Variants in PRDM11 observed in about 807,000 individuals in gnomAD.
The protein encoded by PRDM11 is PR/SET domain 11, also known as PR domain-containing protein 11.
PRDM11 carries 20 observed loss-of-function variants against 97.8 expected under a neutral mutation model. The observed-to-expected ratio is 0.20, with a 90% CI of 0.14 to 0.30. PRDM11 has a LOEUF of 0.30. Among genes scored for constraint, PRDM11 ranks in the 10% least tolerant of loss-of-function variants. The probability of loss-of-function intolerance (pLI) is 1.00; values close to 1 mark genes in which losing one functional copy is unlikely to be tolerated. For missense variants in PRDM11, 1,139 were observed against 1,555.2 expected (o/e 0.73, Z 4.50); for synonymous variants, 599 against 637.7 (o/e 0.94, Z 0.91).
rs140480717 is a variant in PRDM11 at position 45,097,061 on chromosome 11, G to T, written c.96+1160G>T. Among the ~76,000 whole-genome samples, 433 of 152,322 alleles carry T rather than the reference G, an allele frequency of 2.8e-3. 2 individuals carry two copies. Among genetic ancestry groups the T allele is most frequent in the African/African-American group, 9.9e-3 (413 of 41,574 alleles). On this transcript the variant is annotated intron_variant, in intron 1 of 6. Coordinates refer to the PRDM11 transcript ENST00000530656. ...TAAATGGGATGAAGATGAGGCCAGG[G>T]AATTTGGTTTTAAGGTTCAAATCAA...
intron 1 of PRDM11, among the ~76,000 whole-genome samples, chr11:45,117,803 T>C (rs1852336810): frequency 6.6e-6 from 1 of 152,158 alleles, no homozygotes; most frequent in African/African-American, 2.4e-5. Context: ...TCTTTAGGTA[T>C]TGGCTGCAAA....
chr11:45,149,512 T>G (rs986969233), intron 1 of PRDM11, among the ~76,000 whole-genome samples: 2 of 152,212 alleles, frequency 1.3e-5, no homozygotes, highest in Admixed American at 6.5e-5. Flanking sequence ...AGTGCTTTCC[T>G]CTTACTATTT....
intron 1 of PRDM11, among the ~76,000 whole-genome samples, chr11:45,134,288 T>C (rs1289470849): frequency 6.6e-6 from 1 of 152,224 alleles, no homozygotes; most frequent in Non-Finnish European, 1.5e-5. Flanking sequence ...CTTACGATCA[T>C]GTTCCTTGAG....
In PRDM11 at chr11:45,136,955, C is replaced by T. The variant is rs186616479; in HGVS notation, c.96+41054C>T. Among the ~76,000 whole-genome samples the T allele has an allele frequency of 7.9e-4, 103 of 129,980 alleles. 1 individual carries two copies. Among genetic ancestry groups the T allele is most frequent in the African/African-American group, 2.9e-3 (97 of 33,780 alleles). 85.3% of individuals were successfully genotyped at this position (129,980 alleles called of 152,430 possible). A position where few individuals can be genotyped will look rare whatever the true frequency, so the allele number is the denominator to read the frequency against. ...GTCAGGAGTTCGAGACCAGCCTGGC[C>T]AACATGGTGAAACCCCTATCTCTAC... On this transcript the variant is annotated intron_variant, in intron 1 of 6. Transcript: ENST00000530656.
At chr11:45,221,472 A>G (rs1854119055) in intron 6 of PRDM11, among the ~76,000 whole-genome samples, 1 of 152,238 alleles carries the variant, frequency 6.6e-6, no homozygotes, top group African/African-American at 2.4e-5. Context: ...GAGAAATCAT[A>G]TCTGAGAACA....
In PRDM11 at chr11:45,146,725, C is replaced by T. The variant is rs1002606375; in HGVS notation, c.-159C>T. On this transcript the variant is annotated 5_prime_UTR_variant, in exon 1 of 8. Transcript: ENST00000683152. ...CGCCGCCGCCGCGCCGAGGCTGGCG[C>T]TGAAACTTTGCCTCGCCGGGGACCA... The T allele has an allele frequency of 1.3e-5, 2 of 150,538 alleles. No homozygotes were observed. Among genetic ancestry groups the T allele is most frequent in the Non-Finnish European group, 3.0e-5 (2 of 67,560 alleles). 9.3% of individuals were successfully genotyped at this position (150,538 alleles called of 1,614,324 possible). A position where few individuals can be genotyped will look rare whatever the true frequency, so the allele number is the denominator to read the frequency against.
At chr11:45,164,328 C>T (rs752365381) in intron 1 of PRDM11, among the ~76,000 whole-genome samples, 5 of 152,236 alleles carry the variant, frequency 3.3e-5, no homozygotes, top group Non-Finnish European at 5.9e-5. Flanking sequence ...GGCCAGGCTG[C>T]GCTCTGCCAG....
rs143181428 is a variant in PRDM11 at position 45,097,530 on chromosome 11, C to G, written c.96+1629C>G. On this transcript the variant is annotated intron_variant, in intron 1 of 6. Transcript: ENST00000530656. ...AAGCTCAGGGGTGGAACAAATCACT[C>G]AAGATCACACAGGGGTAATGGGATT... is the stretch of plus-strand genomic sequence containing the variant. 7.4e-3 allele frequency among the ~76,000 whole-genome samples: 1,117 copies of G among 151,718 alleles called. 5 individuals carry two copies. Among genetic ancestry groups the G allele is most frequent in the Non-Finnish European group, 0.013 (907 of 67,960 alleles).
chr11:45,118,368 G>T (rs1852349379), intron 1 of PRDM11, among the ~76,000 whole-genome samples: 1 of 152,158 alleles, frequency 6.6e-6, no homozygotes, highest in Admixed American at 6.5e-5. Context: ...AAATTGGTTA[G>T]GGGTGCATAG....
intron 4 of PRDM11, among the ~76,000 whole-genome samples, chr11:45,194,320 A>C (rs1853023268): frequency 6.6e-6 from 1 of 152,190 alleles, no homozygotes; most frequent in Non-Finnish European, 1.5e-5. Context: ...CTAGTTTGAG[A>C]GACACTAATT....
chr11:45,227,137 C>T lies in PRDM11; in HGVS notation c.2512C>T (p.Leu838Phe), dbSNP rs748511988. 8.5e-6 allele frequency: 13 copies of T among 1,533,876 alleles called. No homozygotes were observed. Among genetic ancestry groups the T allele is most frequent in the Admixed American group, 3.9e-5 (2 of 50,974 alleles). ...IIGEQNVLNA[L>F]IKDYLEVVAH... ...CGGCGAGCAGAACGTCCTCAACGCT[C>T]TCATCAAGGACTACCTGGAGGTGGT... The change falls in exon 8 of 8, where the codon CTC (leucine) becomes TTC (phenylalanine). Residue 838 changes from leucine (L) to phenylalanine (F), a missense_variant. Leu to Phe is a conservative substitution (Grantham distance 22). This residue lies in a region of PRDM11 where 710 missense variants were observed against 1,044.9 expected (regional missense o/e 0.68). Coordinates refer to ENST00000683152, the MANE Select transcript of PRDM11 (RefSeq NM_001384648.1). The surrounding 1 kb of genome is among the most constrained non-coding windows in gnomAD (Gnocchi z 8.0).
intron 4 of PRDM11, among the ~76,000 whole-genome samples, chr11:45,203,016 T>G (rs1853384458): frequency 6.6e-6 from 1 of 152,148 alleles, no homozygotes; most frequent in South Asian, 2.1e-4. Context: ...ATGAGTTTTA[T>G]TGTAAGTGCA....
chr11:45,098,991 G>A (rs562425198), intron 1 of PRDM11, among the ~76,000 whole-genome samples: 27 of 152,272 alleles, frequency 1.8e-4, no homozygotes, highest in Middle Eastern at 3.4e-3. Context: ...CTGGAAAATG[G>A]CTGATAGTGT....
chr11:45,117,233 A>G (rs1264516954), intron 1 of PRDM11, among the ~76,000 whole-genome samples: 1 of 151,636 alleles, frequency 6.6e-6, no homozygotes, highest in Admixed American at 6.6e-5. Context: ...TCTCAAAAAA[A>G]AAAAAAAAAA....
At chr11:45,181,122 G>T (rs939339736) in intron 1 of PRDM11, among the ~76,000 whole-genome samples, 1 of 152,202 alleles carries the variant, frequency 6.6e-6, no homozygotes, top group Admixed American at 6.5e-5. Context: ...TGAGGACCCC[G>T]GGGTGCCGAG....
intron 3 of PRDM11, 32 bp downstream of exon 3, chr11:45,182,381 T>C (rs769655348): frequency 6.3e-7 from 1 of 1,578,600 alleles, no homozygotes; most frequent in Non-Finnish European, 8.7e-7. Context: ...GGGCTGCTCC[T>C]CCCTTCACCC....
intron 1 of PRDM11, among the ~76,000 whole-genome samples, chr11:45,104,911 C>T (rs1438419263): frequency 1.3e-5 from 2 of 152,250 alleles, no homozygotes; most frequent in East Asian, 3.9e-4. Flanking sequence ...CCTCCTCCTG[C>T]ATCCTGGACA....
chr11:45,163,788 A>C (rs1312512375), intron 1 of PRDM11, among the ~76,000 whole-genome samples: 1 of 152,172 alleles, frequency 6.6e-6, no homozygotes, highest in Non-Finnish European at 1.5e-5. Context: ...ATACTTCCTC[A>C]GCCCCTATTT....
At chr11:45,147,358 C>T (rs1445676801) in intron 1 of PRDM11, 4 of 152,042 alleles carry the variant, frequency 2.6e-5, no homozygotes, top group East Asian at 3.9e-4. Context: ...TCGCGGACGC[C>T]CTCGGCCCCG....
Sources: gnomAD v4.1 joint callset for allele counts (sites outside exome capture counted in the v4.1 genomes callset) on GRCh38, gnomAD v4.1.1 for gene constraint, gnomAD v4.1.1 regional missense constraint, Gnocchi (gnomAD v3.1) non-coding constraint, MANE v1.5 for transcripts, NCBI Gene and HGNC (gene_info 2026-07-23, HGNC 2026-07-21) for gene names.